Variants in MME observed in about 807,000 individuals in gnomAD.
MME encodes membrane metalloendopeptidase.
In MME, 98 loss-of-function variants were observed where a neutral mutation model predicts 113.2. The observed-to-expected ratio is 0.87, with a 90% CI of 0.74 to 1.02. The LOEUF is 1.02. MME is among the 50% of genes least tolerant of loss of function. The pLI is 0.00. For synonymous variants in MME, 292 were observed against 300.6 expected, an observed-to-expected ratio of 0.97 and a Z score of 0.30; for missense variants, 836 against 896.0, an observed-to-expected ratio of 0.93 and a Z score of 0.86.
At chr3:155,163,012 C>CAAAAAAAAAAA (rs57700088) in intron 17 of MME, among the ~76,000 whole-genome samples, 13 of 78,184 alleles carry the variant, frequency 1.7e-4, no homozygotes, top group Non-Finnish European at 2.1e-4. Flanking sequence ...AACTCTGTCT[C>CAAAAAAAAAAA]AAAAAAAAAA....
Position 155,142,030 on chromosome 3 carries a change from A to G in MME, c.997A>G (p.Thr333Ala). ...GAATTTCACAAATGAAATCATGTCA[A>G]CTGTGAATATTAGTATTACAAATGA... ...WLNFTNEIMS[T>A]VNISITNEED... Residue 333 changes from threonine to alanine, a missense_variant, in exon 11 of 23, where the codon ACT becomes GCT. Coordinates refer to ENST00000360490, the MANE Select transcript of MME (RefSeq NM_007289.4). 1.2e-6 allele frequency: 2 copies of G among 1,613,620 alleles called. No individual in the cohort carries two copies. The highest frequency in any genetic ancestry group is 1.7e-6 in the Non-Finnish European group (2 of 1,179,654).
chr3:155,167,334 G>A (rs921421482), intron 18 of MME, among the ~76,000 whole-genome samples: 1 of 152,042 alleles, frequency 6.6e-6, no homozygotes, highest in African/African-American at 2.4e-5. Context: ...GACGTATCTT[G>A]TCATACTCTT....
At chr3:155,149,568 G>A (rs1003094056) in intron 16 of MME, among the ~76,000 whole-genome samples, 8 of 152,016 alleles carry the variant, frequency 5.3e-5, no homozygotes, top group African/African-American at 1.9e-4. Context: ...GTGTCATTGG[G>A]TACTGGGAGA....
intron 7 of MME, among the ~76,000 whole-genome samples, chr3:155,117,536 A>T (rs1385321152): frequency 3.9e-5 from 6 of 151,914 alleles, no homozygotes; most frequent in Non-Finnish European, 5.9e-5. Flanking sequence ...AGACTAGATT[A>T]ATGACTATGT....
intron 3 of MME, among the ~76,000 whole-genome samples, chr3:155,114,079 C>A (rs1222461952): frequency 6.6e-6 from 1 of 152,156 alleles, no homozygotes; most frequent in Admixed American, 6.5e-5. Context: ...GAAGTATTTT[C>A]AAAAGCTCAT....
At chr3:155,114,402 G>A (rs930597913) in intron 3 of MME, among the ~76,000 whole-genome samples, 16 of 152,092 alleles carry the variant, frequency 1.1e-4, no homozygotes, top group African/African-American at 2.9e-4. Context: ...AAACTAATAA[G>A]CTTACAGCCA....
At position 155,143,595 on chromosome 3, in the gene MME, T is replaced by C. The variant is rs763468992; in HGVS notation, c.1317+24T>C. 1.9e-6 allele frequency: 3 copies of C among 1,608,530 alleles called. No individual in the cohort carries two copies. In the East Asian group the frequency reaches 6.7e-5, roughly 36 times the overall value. On this transcript the variant is annotated intron_variant, in intron 13 of 22. Coordinates refer to ENST00000360490, the MANE Select transcript of MME (RefSeq NM_007289.4). The stretch of plus-strand genomic sequence containing the variant: ...TGGTAATGTTTTCAGAATAATACAC[T>C]GTCAGTTATACAGGACACTATCAGT...
At chr3:155,108,805 A>C (rs576918012) in intron 3 of MME, among the ~76,000 whole-genome samples, 2 of 152,260 alleles carry the variant, frequency 1.3e-5, no homozygotes, top group South Asian at 4.1e-4. Flanking sequence ...GGGAATGCAC[A>C]TATATAAATA....
chr3:155,025,545 A>T lies in MME; in HGVS notation c.-11+1221A>T, dbSNP rs149074525. ...AGGCTGAACCAGGAGAATCACTTGA[A>T]CCCAGGAGGCAGAGGTTGCGGTGAG... On this transcript the variant is annotated intron_variant, in intron 1 of 22. Coordinates refer to the MME transcript ENST00000492661. Among the ~76,000 whole-genome samples, 846 of 149,292 alleles carry T rather than the reference A, an allele frequency of 5.7e-3. 6 individuals carry two copies. Among genetic ancestry groups the T allele is most frequent in the African/African-American group, 0.019 (789 of 40,462 alleles).
chr3:155,111,501 G>A (rs865826035), intron 3 of MME, among the ~76,000 whole-genome samples: 11 of 152,202 alleles, frequency 7.2e-5, no homozygotes, highest in South Asian at 2.1e-4. Flanking sequence ...TTGTTGTGCA[G>A]ATGCAAGTAA....
chr3:155,051,895 G>A (rs572690246), intron 1 of MME, among the ~76,000 whole-genome samples: 26 of 152,146 alleles, frequency 1.7e-4, no homozygotes, highest in African/African-American at 2.2e-4. Context: ...AGTCCCTTCC[G>A]CCTATGAGCC....
At position 155,085,056 on chromosome 3, in the gene MME, T is replaced by A. The variant is rs777987661; in HGVS notation, c.161-3T>A. On this transcript the variant is annotated splice_region_variant and splice_polypyrimidine_tract_variant and intron_variant, in intron 2 of 22. Transcript: ENST00000360490. ...ATTTATGTATATTCTCTCCTTTTTC[T>A]AGATGGTATTTGCAAGTCATCAGAC... The A allele has an allele frequency of 6.3e-7, 1 of 1,585,814 alleles. No individual in the cohort carries two copies. The highest frequency in any genetic ancestry group is 8.6e-7 in the Non-Finnish European group (1 of 1,159,016).
At chr3:155,044,493 A>G (rs539516085) in intron 1 of MME, among the ~76,000 whole-genome samples, 2 of 151,952 alleles carry the variant, frequency 1.3e-5, no homozygotes, top group Non-Finnish European at 2.9e-5. Context: ...GTTGAGAAAG[A>G]TTATATATTA....
intron 1 of MME, among the ~76,000 whole-genome samples, chr3:155,064,214 G>A (rs1204997699): frequency 3.3e-5 from 5 of 152,202 alleles, no homozygotes; most frequent in Admixed American, 2.0e-4. Flanking sequence ...GCTTGAACCT[G>A]GGAGGTGGAG....
chr3:155,051,131 A>G (rs1432123598), intron 1 of MME, among the ~76,000 whole-genome samples: 2 of 152,218 alleles, frequency 1.3e-5, no homozygotes, highest in African/African-American at 4.8e-5. Context: ...GATGATTTGG[A>G]AAATTCTCAG....
At chr3:155,050,024 C>T (rs1216229035) in intron 1 of MME, among the ~76,000 whole-genome samples, 1 of 152,070 alleles carries the variant, frequency 6.6e-6, no homozygotes, top group Non-Finnish European at 1.5e-5. Context: ...CTAGCATTCT[C>T]CTCTTTGTGT....
At chr3:155,129,218 C>T (rs1559937142) in intron 8 of MME, among the ~76,000 whole-genome samples, 1 of 152,150 alleles carries the variant, frequency 6.6e-6, no homozygotes, top group Non-Finnish European at 1.5e-5. Context: ...TGGGGTCTAC[C>T]TTCTGCAGAT....
intron 13 of MME, 66 bp downstream of exon 13, chr3:155,143,637 G>A: frequency 1.3e-6 from 2 of 1,559,454 alleles, no homozygotes; most frequent in Admixed American, 1.7e-5. Flanking sequence ...ACACTGATGA[G>A]CAATTACAGT....
chr3:155,152,218 C>G (rs2108333174), intron 16 of MME, among the ~76,000 whole-genome samples: 1 of 152,256 alleles, frequency 6.6e-6, no homozygotes, highest in Admixed American at 6.5e-5. Context: ...CCTGGACCAC[C>G]CTTTATGCCC....
Sources: allele counts gnomAD v4.1 joint callset (sites outside exome capture counted in the v4.1 genomes callset), GRCh38; gene constraint gnomAD v4.1.1; transcripts MANE v1.5; gene names NCBI Gene and HGNC (gene_info 2026-07-23, HGNC 2026-07-21).